CNTN6: variants seen among roughly 807,000 people sequenced by gnomAD.
CNTN6 encodes contactin 6.
In CNTN6, 137 loss-of-function variants were observed where a neutral mutation model predicts 122.8. The observed-to-expected ratio is 1.12, with a 90% CI of 0.97 to 1.29. The LOEUF is 1.29. Ranked by LOEUF, CNTN6 falls within the 50% of genes most tolerant of loss-of-function variation. The pLI, the probability that CNTN6 is intolerant of heterozygous loss-of-function variation, is 0.00. For synonymous variants in CNTN6, 570 were observed against 426.0 expected, an observed-to-expected ratio of 1.34 and a Z score of -4.16; for missense variants, 1,634 against 1,223.4, an observed-to-expected ratio of 1.34 and a Z score of -5.01.
At chr3:1,188,097 C>T (rs1225366927) in intron 2 of CNTN6, among the ~76,000 whole-genome samples, 2 of 152,154 alleles carry the variant, frequency 1.3e-5, no homozygotes, top group Non-Finnish European at 2.9e-5. Flanking sequence ...CAAAATCCTT[C>T]ATAATGACCC....
At chr3:1,297,638 CTTTTTTT>C (rs71303106) in intron 6 of CNTN6, among the ~76,000 whole-genome samples, 3,403 of 138,560 alleles carry the variant, frequency 0.025, 148 homozygotes, top group African/African-American at 0.083. Flanking sequence ...TTGTTTTTTT[CTTTTTTT>C]TTTTTTTTAT....
intron 2 of CNTN6, among the ~76,000 whole-genome samples, chr3:1,207,983 A>G (rs534473629): frequency 6.6e-6 from 1 of 152,026 alleles, no homozygotes; most frequent in East Asian, 1.9e-4. Context: ...ACATCAAATC[A>G]TTTATAATAT....
intron 4 of CNTN6, among the ~76,000 whole-genome samples, chr3:1,233,891 G>A (rs1459693375): frequency 6.6e-6 from 1 of 151,940 alleles, no homozygotes; most frequent in East Asian, 1.9e-4. Flanking sequence ...CATATACAAT[G>A]GAGTGAACGA....
At chr3:1,363,240 T>G (rs1707736725) in intron 12 of CNTN6, among the ~76,000 whole-genome samples, 1 of 151,994 alleles carries the variant, frequency 6.6e-6, no homozygotes, top group Non-Finnish European at 1.5e-5. Flanking sequence ...GTCTCTGCGA[T>G]GAGAACACCT....
intron 3 of CNTN6, among the ~76,000 whole-genome samples, chr3:1,223,171 C>G (rs1187555391): frequency 6.6e-6 from 1 of 152,110 alleles, no homozygotes; most frequent in Non-Finnish European, 1.5e-5. Context: ...TTCACAGATT[C>G]TAACGTTATT....
At chr3:1,100,361 T>C (rs1471440571) in intron 1 of CNTN6, among the ~76,000 whole-genome samples, 2 of 152,174 alleles carry the variant, frequency 1.3e-5, no homozygotes, top group Non-Finnish European at 2.9e-5. Flanking sequence ...ATTTTGCTCA[T>C]GAGGGGACTG....
chr3:1,187,549 C>T lies in CNTN6; in HGVS notation c.56-33138C>T, dbSNP rs140219575. Among the ~76,000 whole-genome samples, 580 of 152,246 alleles carry T rather than the reference C, an allele frequency of 3.8e-3. 2 individuals are homozygous for T. Among genetic ancestry groups the T allele is most frequent in the Middle Eastern group, 0.014 (4 of 294 alleles). ...AATTCTGTAGTTTCCCTCCTCTAGC[C>T]CAGCAGGTGTCTGGGTTTCATTTTT... On this transcript the variant is annotated intron_variant, in intron 2 of 22. Transcript: ENST00000446702.
In CNTN6 at chr3:1,300,507, G is replaced by GAGAA. The variant is rs369448560; in HGVS notation, c.761+2532_761+2535dup. Among the ~76,000 whole-genome samples, 728 of 134,346 alleles carry GAGAA rather than the reference G, an allele frequency of 5.4e-3. 9 individuals carry two copies. Among genetic ancestry groups the GAGAA allele is most frequent in the African/African-American group, 0.02 (671 of 32,946 alleles). 88.1% of individuals were successfully genotyped at this position (134,346 alleles called of 152,430 possible). The stretch of plus-strand genomic sequence containing the variant: ...AGGAAGGAAGGAAAAAGAAAAGAAA[G>GAGAA]AGAAAGAAAGAAAGAAAGATAAAGA... On this transcript the variant is annotated intron_variant, in intron 7 of 22. Transcript: ENST00000446702.
chr3:1,101,601 G>A (rs73816450), intron 1 of CNTN6, among the ~76,000 whole-genome samples: 6 of 152,176 alleles, frequency 3.9e-5, no homozygotes, highest in South Asian at 4.1e-4. Flanking sequence ...TTTGTAATAG[G>A]CAATGGAACA....
At chr3:1,118,562 T>C (rs2091821413) in intron 1 of CNTN6, among the ~76,000 whole-genome samples, 1 of 152,154 alleles carries the variant, frequency 6.6e-6, no homozygotes, top group Non-Finnish European at 1.5e-5. Flanking sequence ...TTTATTATTC[T>C]TGTCTCTTGA....
chr3:1,267,212 C>T (rs2094940750), intron 4 of CNTN6, among the ~76,000 whole-genome samples: 1 of 152,118 alleles, frequency 6.6e-6, no homozygotes, highest in South Asian at 2.1e-4. Flanking sequence ...AAACTGTTTG[C>T]AGCCCTCTTT....
chr3:1,307,439 A>G (rs937840768), intron 7 of CNTN6, among the ~76,000 whole-genome samples: 7 of 150,998 alleles, frequency 4.6e-5, no homozygotes, highest in African/African-American at 1.7e-4. Context: ...GAACAGAAAT[A>G]TTGAACGGAT....
At chr3:1,370,436 C>A (rs79443278) in intron 12 of CNTN6, among the ~76,000 whole-genome samples, 2,079 of 152,038 alleles carry the variant, frequency 0.014, 45 homozygotes, top group African/African-American at 0.043. Context: ...CAACATGGAT[C>A]CCTGGATATC....
intron 2 of CNTN6, among the ~76,000 whole-genome samples, chr3:1,206,283 C>T (rs1213740241): frequency 6.6e-6 from 1 of 152,142 alleles, no homozygotes; most frequent in African/African-American, 2.4e-5. Context: ...CTTCCTACTT[C>T]CCAAGGAAAT....
intron 5 of CNTN6, among the ~76,000 whole-genome samples, chr3:1,290,274 C>T (rs1695114496): frequency 6.6e-6 from 1 of 152,220 alleles, no homozygotes; most frequent in Non-Finnish European, 1.5e-5. Flanking sequence ...AGTAATTTCA[C>T]ATGGCAGTTT....
At chr3:1,191,851 C>G (rs1321574660) in intron 2 of CNTN6, among the ~76,000 whole-genome samples, 1 of 152,136 alleles carries the variant, frequency 6.6e-6, no homozygotes, top group East Asian at 1.9e-4. Context: ...GAATTACTTG[C>G]TGTAAAAGAA....
At chr3:1,312,823 T>A (rs901882662) in intron 7 of CNTN6, among the ~76,000 whole-genome samples, 1 of 151,818 alleles carries the variant, frequency 6.6e-6, no homozygotes, top group African/African-American at 2.4e-5. Context: ...TTTTTTTTTT[T>A]TTTTTAATTT....
intron 2 of CNTN6, among the ~76,000 whole-genome samples, chr3:1,150,996 G>C (rs1194421916): frequency 1.3e-5 from 2 of 152,140 alleles, no homozygotes; most frequent in African/African-American, 4.8e-5. Context: ...TAGATGCTGG[G>C]AAAGGCAGGG....
intron 4 of CNTN6, among the ~76,000 whole-genome samples, chr3:1,238,931 A>C (rs1447122026): frequency 1.3e-5 from 2 of 152,144 alleles, no homozygotes; most frequent in Non-Finnish European, 2.9e-5. Flanking sequence ...GATCCAAATA[A>C]ACTCTATTAG....
Sources: allele counts gnomAD v4.1 joint callset (sites outside exome capture counted in the v4.1 genomes callset), GRCh38; gene constraint gnomAD v4.1.1; transcripts MANE v1.5; gene names NCBI Gene and HGNC (gene_info 2026-07-23, HGNC 2026-07-21).